RYR1: variants seen among roughly 807,000 people sequenced by gnomAD.
The protein encoded by RYR1 is central core disease of muscle.
A neutral mutation model predicts 583.5 loss-of-function variants in RYR1; 342 were observed. The ratio of observed to expected loss-of-function variants is 0.59; its 90% CI spans 0.54 to 0.64. The LOEUF (loss-of-function observed/expected upper bound fraction) is 0.64, where lower values mean the gene tolerates loss of function less well. Ranked by LOEUF, RYR1 falls within the 30% of genes least tolerant of loss-of-function variation. RYR1 has a pLI of 0.00. For missense variants in RYR1, 6,032 were observed against 6,917.2 expected (o/e 0.87, Z 4.54); for synonymous variants, 2,791 against 2,822.5 (o/e 0.99, Z 0.35).
Position 38,496,356 on chromosome 19 carries a change from G to A in RYR1, c.6663+27G>A. On this transcript the variant is annotated intron_variant, in intron 40 of 105. Transcript: ENST00000359596. The surrounding 1 kb of genome is among the most constrained non-coding windows in gnomAD (Gnocchi z 4.8). ...TGAGGGCCCAGGCAGGTGCTGGGGA[G>A]CTCAGGGGAGGCAGCCACAGAGGGC... The A allele has an allele frequency of 2.5e-6, 4 of 1,613,774 alleles. No individual in the cohort carries two copies. The highest frequency in any genetic ancestry group is 1.7e-6 in the Non-Finnish European group (2 of 1,180,020).
At chr19:38,525,197 T>C (rs1971411982) in intron 70 of RYR1, 135 bp from the exon 71 acceptor site, 2 of 967,952 alleles carry the variant, frequency 2.1e-6, no homozygotes, top group Non-Finnish European at 3.2e-6. Context: ...GGGGTGGAAA[T>C]TGAGGTGTCG....
At chr19:38,455,199 C>G in intron 13 of RYR1, 36 bp from the exon 14 acceptor site, 1 of 1,612,168 alleles carries the variant, frequency 6.2e-7, no homozygotes, top group Non-Finnish European at 8.5e-7. Context: ...GGGCCTGGGT[C>G]TCCTATTGTG....
At chr19:38,576,318 C>T (rs980390191) in intron 97 of RYR1, among the ~76,000 whole-genome samples, 13 of 151,874 alleles carry the variant, frequency 8.6e-5, no homozygotes, top group South Asian at 4.2e-4. Context: ...AGCACGGTAC[C>T]GCATGCCTGT....
chr19:38,530,983 T>A (rs1050592847), intron 76 of RYR1, among the ~76,000 whole-genome samples: 43 of 141,214 alleles, frequency 3.0e-4, no homozygotes, highest in Non-Finnish European at 1.1e-4. Flanking sequence ...TCTTTTTTCT[T>A]TCTCTTTTTT....
intron 63 of RYR1, among the ~76,000 whole-genome samples, chr19:38,513,334 C>T (rs980667704): frequency 2.0e-5 from 3 of 151,648 alleles, no homozygotes; most frequent in Admixed American, 6.6e-5. Context: ...GAGACTCCAT[C>T]TCAAAAAGAA....
Position 38,469,443 on chromosome 19 carries a change from C to T in RYR1, c.3695C>T (p.Pro1232Leu), listed in dbSNP as rs1363931971. 4 of 1,614,142 alleles carry T rather than the reference C, an allele frequency of 2.5e-6. No homozygotes were observed. Among genetic ancestry groups the T allele is most frequent in the Non-Finnish European group, 3.4e-6 (4 of 1,179,988 alleles). ...FEPFAINMQR[P>L]VTTWFSKGLP... ...CCATTTGCCATCAACATGCAGCGCC[C>T]AGTCACCACCTGGTTCAGCAAAGGC... The change falls in exon 27 of 106, where the codon CCA becomes CTA. Residue 1232 changes from proline to leucine, a missense_variant. Pro to Leu is a moderately conservative substitution (Grantham distance 98). This residue lies in a region of RYR1 where 2,627 missense variants were observed against 2,961.3 expected (regional missense o/e 0.89). Transcript: ENST00000359596.
At chr19:38,447,143 C>G (rs974716070) in intron 9 of RYR1, among the ~76,000 whole-genome samples, 1 of 151,940 alleles carries the variant, frequency 6.6e-6, no homozygotes, top group Non-Finnish European at 1.5e-5. Context: ...GAGGATCACT[C>G]GAGCCCAGCG....
At chr19:38,456,620 A>C (rs1031265604) in intron 16 of RYR1, among the ~76,000 whole-genome samples, 3 of 152,002 alleles carry the variant, frequency 2.0e-5, no homozygotes, top group Admixed American at 2.0e-4. Flanking sequence ...CAAATATTAC[A>C]GCCTCTAGGT....
chr19:38,580,240 G>C (rs962079741), intron 100 of RYR1, 112 bp downstream of exon 100: 2 of 1,590,088 alleles, frequency 1.3e-6, no homozygotes, highest in Non-Finnish European at 1.7e-6. Flanking sequence ...GGCCAGGTGC[G>C]CTGAGCCGGG....
chr19:38,524,038 C>T (rs938381167), intron 70 of RYR1, 109 bp downstream of exon 70: 182 of 1,270,764 alleles, frequency 1.4e-4, no homozygotes, highest in South Asian at 1.9e-4. Context: ...TCCCCACCCC[C>T]GTCCTCCCCT....
chr19:38,455,155 T>C, intron 13 of RYR1, 80 bp from the exon 14 acceptor site: 2 of 1,519,794 alleles, frequency 1.3e-6, no homozygotes, highest in Non-Finnish European at 9.1e-7. Context: ...TGAAGGAATA[T>C]GAATTCGTGA....
At position 38,577,928 on chromosome 19, in the gene RYR1, A is replaced by T; in HGVS notation, c.14183A>T (p.Lys4728Ile). 1 of 1,614,156 alleles carries T rather than the reference A, an allele frequency of 6.2e-7. No individual in the cohort carries two copies. Among genetic ancestry groups the T allele is most frequent in the African/African-American group, 1.3e-5 (1 of 75,038 alleles). The change falls in exon 98 of 106, where the codon AAA becomes ATA. Residue 4728 changes from lysine (K) to isoleucine (I), a missense_variant. Lys to Ile is a moderately radical substitution (Grantham distance 102). This residue lies in a region of RYR1 where 188 missense variants were observed against 215.6 expected (regional missense o/e 0.87). Coordinates refer to ENST00000359596, the MANE Select transcript of RYR1 (RefSeq NM_000540.3). ...DKFVKRKVLDKHGDIYGRERI... is the reference protein window; with the variant it reads ...DKFVKRKVLDIHGDIYGRERI... ...TGCTCTCTTGTGCAGGTCCTGGACAAACATGGGGACATCTACGGGCGGGAG... is the reference window on the plus strand; with the variant it reads ...TGCTCTCTTGTGCAGGTCCTGGACATACATGGGGACATCTACGGGCGGGAG...
Position 38,585,088 on chromosome 19 carries a change from C to T in RYR1, c.14792C>T (p.Ala4931Val), listed in dbSNP as rs546322293. The part of the protein sequence containing the change: ...FFFFVIVILL[A>V]IIQGLIIDAF... ...TTCTTCGTCATCGTCATCCTGTTGG[C>T]CATCATCCAGGGTCAGTGCTGGGAG... Residue 4931 changes from alanine to valine, a missense_variant, in exon 102 of 106, where the codon GCC becomes GTC. Transcript: ENST00000359596. 1 of 1,613,672 alleles carries T rather than the reference C, an allele frequency of 6.2e-7. No individual in the cohort carries two copies. Among genetic ancestry groups the T allele is most frequent in the Admixed American group, 1.7e-5 (1 of 59,938 alleles).
At chr19:38,544,986 C>A (rs1568559304) in intron 87 of RYR1, among the ~76,000 whole-genome samples, 1 of 151,958 alleles carries the variant, frequency 6.6e-6, no homozygotes, top group African/African-American at 2.4e-5. Flanking sequence ...TCTCCCTGGG[C>A]TGGAAAAAAT....
At chr19:38,538,460 T>C (rs1972070145) in intron 84 of RYR1, 1 of 161,786 alleles carries the variant, frequency 6.2e-6, no homozygotes, top group African/African-American at 2.4e-5. Context: ...TCATCTCCTC[T>C]GGCCAGTCCA....
chr19:38,497,161 C>G (rs1463958209), intron 42 of RYR1, among the ~76,000 whole-genome samples: 2 of 151,968 alleles, frequency 1.3e-5, no homozygotes, highest in Admixed American at 1.3e-4. Flanking sequence ...CCGGTCCGCA[C>G]TCCACGCTTC....
At chr19:38,468,379 C>A (rs1033003960) in intron 25 of RYR1, among the ~76,000 whole-genome samples, 1 of 152,180 alleles carries the variant, frequency 6.6e-6, no homozygotes, top group African/African-American at 2.4e-5. Flanking sequence ...CATCCAATAA[C>A]CATCTGCCCA....
rs754083089 is a variant in RYR1, at chr19:38,548,184, C to T, written c.12095-49C>T. 2.5e-6 allele frequency: 4 copies of T among 1,608,378 alleles called. No individual in the cohort carries two copies. The Admixed American group carries it at 5.0e-5, about 20-fold the overall frequency. ...GGAAAGAGAGGCAAGCCTGGTGGGGCCCCAGAAGGGAGTGTTCACCGGCCA... is the reference window on the plus strand; with the variant it reads ...GGAAAGAGAGGCAAGCCTGGTGGGGTCCCAGAAGGGAGTGTTCACCGGCCA... On this transcript the variant is annotated intron_variant, in intron 88 of 105. Transcript: ENST00000359596.
At chr19:38,504,949 CAG>C (rs2087476497) in intron 51 of RYR1, 38 bp downstream of exon 51, 4 of 1,614,132 alleles carry the variant, frequency 2.5e-6, no homozygotes, top group African/African-American at 2.7e-5. Context: ...AGGAAGATTT[CAG>C]GGGTGGAGGG....
Sources: allele counts gnomAD v4.1 joint callset (sites outside exome capture counted in the v4.1 genomes callset), GRCh38; gene constraint gnomAD v4.1.1; regional missense constraint gnomAD v4.1.1; non-coding constraint Gnocchi (gnomAD v3.1); transcripts MANE v1.5; gene names NCBI Gene and HGNC (gene_info 2026-07-23, HGNC 2026-07-21).